AOPEP: variants seen among roughly 807,000 people sequenced by gnomAD.
The protein encoded by AOPEP is aminopeptidase O.
A neutral mutation model predicts 98.1 loss-of-function variants in AOPEP; 77 were observed. The ratio of observed to expected loss-of-function variants is 0.78; its 90% confidence interval spans 0.65 to 0.95. The LOEUF (loss-of-function observed/expected upper bound fraction) is 0.95, where lower values mean the gene tolerates loss of function less well. Among genes scored for constraint, AOPEP ranks in the 40% least tolerant of loss-of-function variants. The probability of loss-of-function intolerance (pLI) is 0.00; values close to 1 mark genes in which losing one functional copy is unlikely to be tolerated. For synonymous variants in AOPEP, 346 were observed against 365.3 expected (o/e 0.95, Z 0.60); for missense variants, 1,024 against 1,024.7 (o/e 1.00, Z 0.01).
At chr9:95,087,469 C>T (rs2070787473), downstream of AOPEP, among the ~76,000 whole-genome samples, 1 of 94,284 alleles carries the variant, frequency 1.1e-5, no homozygotes. Flanking sequence ...GGCGACAGAG[C>T]AAGACTCCAT....
intron 16 of AOPEP, chr9:95,085,632 G>T (rs531846607): frequency 5.3e-6 from 2 of 374,664 alleles, no homozygotes; most frequent in African/African-American, 4.3e-5. Context: ...TGCGGAGCGC[G>T]ATCCTGGAGG....
chr9:95,048,966 C>G (rs1395276595), intron 13 of AOPEP: 2 of 152,222 alleles, frequency 1.3e-5, no homozygotes, highest in Admixed American at 1.3e-4. Context: ...GTTCACCCGA[C>G]GGGACCTCGC....
At chr9:94,899,764 A>G (rs1439944912) in intron 5 of AOPEP, among the ~76,000 whole-genome samples, 6 of 152,080 alleles carry the variant, frequency 3.9e-5, no homozygotes, top group African/African-American at 7.2e-5. Flanking sequence ...AAAACAAACA[A>G]AAACAAAAAT....
intron 11 of AOPEP, among the ~76,000 whole-genome samples, chr9:94,982,067 C>T (rs10993435): frequency 0.19 from 29,331 of 152,122 alleles, 6,563 homozygotes; most frequent in African/African-American, 0.54. Context: ...TCTATAACCT[C>T]TGGCCTTACA....
chr9:95,036,027 T>C (rs2064789082), intron 13 of AOPEP, among the ~76,000 whole-genome samples: 1 of 152,214 alleles, frequency 6.6e-6, no homozygotes, highest in South Asian at 2.1e-4. Context: ...ACACTGAGTT[T>C]TCTTGAATAG....
At chr9:95,120,189 GT>G in the AOPEP span, among the ~76,000 whole-genome samples, 8 of 152,172 alleles carry the variant, frequency 5.3e-5, no homozygotes, top group Admixed American at 2.0e-4. Context: ...TAACTGTTGT[GT>G]GCTTTACAAG....
chr9:95,092,076 GTGTGTGCA>G (rs1425175189), downstream of AOPEP, among the ~76,000 whole-genome samples: 310 of 151,106 alleles, frequency 2.1e-3, 1 homozygote, highest in African/African-American at 7.0e-3. Context: ...GTGTGTGTGT[GTGTGTGCA>G]CACACACACA....
intron 5 of AOPEP, among the ~76,000 whole-genome samples, chr9:94,843,163 C>T (rs189989652): frequency 1.9e-4 from 29 of 152,260 alleles, no homozygotes; most frequent in African/African-American, 6.7e-4. Flanking sequence ...TCAGCAGAAA[C>T]GCTGATCTCT....
At chr9:94,983,976 G>A (rs1029562246) in intron 11 of AOPEP, among the ~76,000 whole-genome samples, 11 of 151,526 alleles carry the variant, frequency 7.3e-5, no homozygotes, top group African/African-American at 2.4e-4. Context: ...ACCGTCCAAT[G>A]CACTAGCTAC....
intron 1 of AOPEP, among the ~76,000 whole-genome samples, chr9:94,735,081 A>T (rs74675089): frequency 0.026 from 4,017 of 152,222 alleles, 174 homozygotes; most frequent in African/African-American, 0.091. Flanking sequence ...TGACCAGTGA[A>T]ATTTTGTTTT....
chr9:95,125,092 G>C, the AOPEP span: 10 of 1,613,670 alleles, frequency 6.2e-6, no homozygotes, highest in African/African-American at 1.2e-4. Flanking sequence ...AAACCTGCTT[G>C]CTTGCTTTCT....
chr9:94,929,038 A>G (rs917669416), intron 7 of AOPEP, among the ~76,000 whole-genome samples: 1 of 151,982 alleles, frequency 6.6e-6, no homozygotes, highest in South Asian at 2.1e-4. Flanking sequence ...TTGTTTGTAG[A>G]CTGTGGCTTG....
intron 13 of AOPEP, among the ~76,000 whole-genome samples, chr9:95,011,953 T>A (rs900292977): frequency 6.6e-6 from 1 of 152,234 alleles, no homozygotes; most frequent in African/African-American, 2.4e-5. Context: ...TATTCACATA[T>A]TTTAAAAAGA....
chr9:94,816,887 G>A (rs1294065785), intron 5 of AOPEP, among the ~76,000 whole-genome samples: 1 of 152,224 alleles, frequency 6.6e-6, no homozygotes, highest in African/African-American at 2.4e-5. Flanking sequence ...ACAGGGCCAC[G>A]AAGGCCTGTG....
intron 2 of AOPEP, among the ~76,000 whole-genome samples, chr9:94,767,532 T>A (rs181817896): frequency 6.6e-6 from 1 of 152,260 alleles, no homozygotes; most frequent in Non-Finnish European, 1.5e-5. Context: ...GTGTGGTAAC[T>A]AGCTGTGTGA....
At chr9:95,027,364 A>G (rs768025997) in intron 13 of AOPEP, among the ~76,000 whole-genome samples, 2 of 152,240 alleles carry the variant, frequency 1.3e-5, no homozygotes, top group Non-Finnish European at 2.9e-5. Context: ...CCAGTCATGC[A>G]TGCAACAGTT....
downstream of AOPEP, among the ~76,000 whole-genome samples, chr9:95,089,917 G>A (rs1334350894): frequency 6.6e-6 from 1 of 152,254 alleles, no homozygotes; most frequent in Non-Finnish European, 1.5e-5. Flanking sequence ...CGCCTCCACT[G>A]AACAGACGGA....
chr9:94,769,740 G>T (rs1840432735), intron 2 of AOPEP, among the ~76,000 whole-genome samples: 1 of 152,204 alleles, frequency 6.6e-6, no homozygotes, highest in Non-Finnish European at 1.5e-5. Flanking sequence ...ACTGGGGAGG[G>T]TGGAGGTGAG....
chr9:94,915,623 A>G (rs2052688342), intron 5 of AOPEP, among the ~76,000 whole-genome samples: 1 of 152,080 alleles, frequency 6.6e-6, no homozygotes, highest in Non-Finnish European at 1.5e-5. Context: ...CTCCACCCCA[A>G]TGTCCTGCTG....
Sources: gnomAD v4.1 joint callset for allele counts (sites outside exome capture counted in the v4.1 genomes callset) on GRCh38, gnomAD v4.1.1 for gene constraint, MANE v1.5 for transcripts, NCBI Gene and HGNC (gene_info 2026-07-23, HGNC 2026-07-21) for gene names.